DLG2: variants seen among roughly 807,000 people sequenced by gnomAD.
DLG2 encodes disks large homolog 2.
In DLG2, 45 loss-of-function variants were observed where a neutral mutation model predicts 132.5. The ratio of observed to expected loss-of-function variants is 0.34; its 90% CI spans 0.27 to 0.44. The LOEUF (loss-of-function observed/expected upper bound fraction) is 0.44, where lower values mean the gene tolerates loss of function less well. Ranked by LOEUF, DLG2 falls within the 20% of genes least tolerant of loss-of-function variation. The pLI is 1.00. For synonymous variants in DLG2, 424 were observed against 419.6 expected, an observed-to-expected ratio of 1.01 and a Z score of -0.13; for missense variants, 1,045 against 1,196.9, an observed-to-expected ratio of 0.87 and a Z score of 1.87.
At chr11:84,852,218 A>C (rs1023688442) in intron 6 of DLG2, among the ~76,000 whole-genome samples, 4 of 152,054 alleles carry the variant, frequency 2.6e-5, no homozygotes, top group Admixed American at 6.6e-5. Flanking sequence ...ACATAGGGTC[A>C]TTGTGTTAAT....
At chr11:84,409,558 TACA>T (rs2098887198) in intron 7 of DLG2, among the ~76,000 whole-genome samples, 1 of 152,226 alleles carries the variant, frequency 6.6e-6, no homozygotes, top group African/African-American at 2.4e-5. Flanking sequence ...ACTTAATACT[TACA>T]ACAAGTTAAA....
At chr11:84,231,924 G>A (rs2097098996) in intron 8 of DLG2, among the ~76,000 whole-genome samples, 1 of 152,070 alleles carries the variant, frequency 6.6e-6, no homozygotes, top group Admixed American at 6.6e-5. Context: ...AACATACTAT[G>A]TAAGGATTAC....
intron 6 of DLG2, among the ~76,000 whole-genome samples, chr11:84,824,215 T>A (rs754804191): frequency 1.3e-5 from 2 of 151,954 alleles, no homozygotes. Flanking sequence ...TGTCCTTATC[T>A]TCTGCTCACA....
intron 6 of DLG2, among the ~76,000 whole-genome samples, chr11:84,698,371 T>G (rs182117759): frequency 2.0e-5 from 3 of 151,620 alleles, no homozygotes; most frequent in African/African-American, 7.2e-5. Flanking sequence ...AACAGCACAA[T>G]ATAAAATATA....
At position 85,526,292 on chromosome 11, in the gene DLG2, G is replaced by A. The variant is rs146015775; in HGVS notation, c.40+72365C>T. Among the ~76,000 whole-genome samples the A allele has an allele frequency of 7.9e-3, 1,198 of 152,176 alleles. 11 individuals are homozygous for A. The highest frequency in any genetic ancestry group is 9.0e-3 in the Non-Finnish European group (609 of 67,994). On this transcript the variant is annotated intron_variant, in intron 3 of 27. Transcript: ENST00000376104. Reference sequence around the variant, plus strand: ...AGTGATACAGAGAAAAATCTTAAAAGAGTCAGAGGAAAAAAGACACCTTAT... The same window carrying A: ...AGTGATACAGAGAAAAATCTTAAAAAAGTCAGAGGAAAAAAGACACCTTAT...
chr11:85,423,752 C>A (rs1185350311), intron 3 of DLG2, among the ~76,000 whole-genome samples: 1 of 152,142 alleles, frequency 6.6e-6, no homozygotes. Flanking sequence ...CCCATGTAAT[C>A]CTAAGGGCTG....
intron 19 of DLG2, among the ~76,000 whole-genome samples, chr11:83,565,013 T>G (rs2096679917): frequency 6.6e-6 from 1 of 152,238 alleles, no homozygotes; most frequent in Non-Finnish European, 1.5e-5. Context: ...TCTGTTTCCC[T>G]CACTGGACTA....
intron 3 of DLG2, among the ~76,000 whole-genome samples, chr11:85,516,945 T>C (rs529110725): frequency 1.1e-4 from 16 of 151,782 alleles, no homozygotes; most frequent in African/African-American, 3.6e-4. Context: ...CACCCTGATA[T>C]GAAAGGCAGG....
At chr11:84,928,982 G>GTGTGTGTGTGTATATA (rs1400906684) in intron 6 of DLG2, among the ~76,000 whole-genome samples, 19 of 49,110 alleles carry the variant, frequency 3.9e-4, no homozygotes, top group African/African-American at 8.1e-4. Context: ...GTGTGTGTGT[G>GTGTGTGTGTGTATATA]TATATATATA....
intron 6 of DLG2, among the ~76,000 whole-genome samples, chr11:85,034,879 G>T (rs369896891): frequency 6.6e-6 from 1 of 151,862 alleles, no homozygotes; most frequent in East Asian, 1.9e-4. Flanking sequence ...TGAGTTTCCT[G>T]CTTATTATCA....
chr11:84,078,369 T>C (rs2096856722), intron 10 of DLG2, among the ~76,000 whole-genome samples: 1 of 152,166 alleles, frequency 6.6e-6, no homozygotes, highest in African/African-American at 2.4e-5. Flanking sequence ...CTTTTCAATT[T>C]TATTAAAAGC....
chr11:85,503,325 T>C (rs2093848782), intron 3 of DLG2, among the ~76,000 whole-genome samples: 1 of 152,114 alleles, frequency 6.6e-6, no homozygotes, highest in Non-Finnish European at 1.5e-5. Flanking sequence ...AATGACAATA[T>C]ATATTTAGTA....
intron 7 of DLG2, among the ~76,000 whole-genome samples, chr11:84,317,522 C>T (rs550923275): frequency 1.3e-5 from 2 of 152,294 alleles, no homozygotes; most frequent in South Asian, 4.1e-4. Context: ...GGCATTCCGG[C>T]TTTTCCCTTT....
chr11:85,029,060 C>T (rs151192490), intron 6 of DLG2, among the ~76,000 whole-genome samples: 1 of 152,048 alleles, frequency 6.6e-6, no homozygotes, highest in Non-Finnish European at 1.5e-5. Context: ...TAAAAGCTTT[C>T]AAAATTCTTG....
At chr11:83,741,881 G>C (rs2092546104) in intron 18 of DLG2, among the ~76,000 whole-genome samples, 1 of 151,858 alleles carries the variant, frequency 6.6e-6, no homozygotes, top group Non-Finnish European at 1.5e-5. Context: ...AAGGCGTGGT[G>C]GTGGGTGCCT....
Position 84,974,427 on chromosome 11 carries a change from A to G in DLG2, c.357+137234T>C, listed in dbSNP as rs144178913. The stretch of plus-strand genomic sequence containing the variant: ...TTTAGTTAACTTTCTAAATGTCCTC[A>G]CCTGTAGAATGGCCATAATTATAGA... On this transcript the variant is annotated intron_variant, in intron 6 of 27. Transcript: ENST00000376104. 2.6e-3 allele frequency among the ~76,000 whole-genome samples: 398 copies of G among 152,302 alleles called. 3 individuals carry two copies. Among genetic ancestry groups the G allele is most frequent in the African/African-American group, 9.3e-3 (386 of 41,568 alleles).
chr11:83,469,126 C>T, intron 25 of DLG2, 75 bp downstream of exon 25: 2 of 979,080 alleles, frequency 2.0e-6, no homozygotes, highest in Non-Finnish European at 2.9e-6. Flanking sequence ...GAGTAATGAC[C>T]AAAAAAAAAA....
chr11:84,609,292 T>C (rs2099591201), intron 6 of DLG2, among the ~76,000 whole-genome samples: 1 of 152,136 alleles, frequency 6.6e-6, no homozygotes, highest in South Asian at 2.1e-4. Context: ...CCTATCTCAG[T>C]GGCTTTGGAG....
At chr11:85,167,298 T>A (rs2078523010) in intron 4 of DLG2, among the ~76,000 whole-genome samples, 1 of 152,138 alleles carries the variant, frequency 6.6e-6, no homozygotes, top group Non-Finnish European at 1.5e-5. Flanking sequence ...GGGTCTCATA[T>A]TTATAGAATG....
Sources: gnomAD v4.1 joint callset for allele counts (sites outside exome capture counted in the v4.1 genomes callset) on GRCh38, gnomAD v4.1.1 for gene constraint, MANE v1.5 for transcripts, NCBI Gene and HGNC (gene_info 2026-07-23, HGNC 2026-07-21) for gene names.